ADAMTSL1: variants seen among roughly 807,000 people sequenced by gnomAD.
ADAMTSL1 encodes ADAMTS like 1.
ADAMTSL1 carries 126 observed loss-of-function variants against 201.8 expected under a neutral mutation model. The observed-to-expected ratio is 0.62, with a 90% confidence interval of 0.54 to 0.72. The LOEUF is 0.72. ADAMTSL1 is among the 30% of genes least tolerant of loss of function. The pLI, the probability that ADAMTSL1 is intolerant of heterozygous loss-of-function variation, is 0.00. For synonymous variants in ADAMTSL1, 1,121 were observed against 903.4 expected (o/e 1.24, Z -4.32); for missense variants, 2,679 against 2,277.8 (o/e 1.18, Z -3.59).
At chr9:18,630,559 T>C (rs556216314) in intron 5 of ADAMTSL1, among the ~76,000 whole-genome samples, 1 of 152,268 alleles carries the variant, frequency 6.6e-6, no homozygotes, top group South Asian at 2.1e-4. Flanking sequence ...GCTCTACAGG[T>C]CTTCATACTT....
chr9:18,693,049 A>G (rs554996436), intron 13 of ADAMTSL1, among the ~76,000 whole-genome samples: 2 of 152,198 alleles, frequency 1.3e-5, no homozygotes, highest in South Asian at 4.1e-4. Flanking sequence ...TTTTTTCCCA[A>G]AATTTTATGG....
At position 18,756,076 on chromosome 9, in the gene ADAMTSL1, A is replaced by AATATATATATATAT. The variant is rs55717414; in HGVS notation, c.2217+2602_2217+2615dup. On this transcript the variant is annotated intron_variant, in intron 16 of 28. Coordinates refer to ENST00000380548, the MANE Select transcript of ADAMTSL1 (RefSeq NM_001040272.6). ...ATGGTGAAACCCTGTCTCTACTGAA[A>AATATATATATATAT]ATATATATATATATATATATATATA... 3.2e-3 allele frequency among the ~76,000 whole-genome samples: 257 copies of AATATATATATATAT among 80,618 alleles called. 4 individuals are homozygous for AATATATATATATAT. Among genetic ancestry groups the AATATATATATATAT allele is most frequent in the Non-Finnish European group, 4.6e-3 (175 of 38,042 alleles). The allele number at this position is 80,618 out of a possible 152,430, so 52.9% of individuals were successfully genotyped here.
intron 3 of ADAMTSL1, among the ~76,000 whole-genome samples, chr9:18,570,670 G>A (rs894128421): frequency 2.0e-5 from 3 of 152,122 alleles, no homozygotes; most frequent in African/African-American, 7.2e-5. Context: ...CTTAAAACAG[G>A]AAGTTGCATT....
intron 2 of ADAMTSL1, among the ~76,000 whole-genome samples, chr9:18,457,563 G>C (rs1453461663): frequency 6.6e-6 from 1 of 152,088 alleles, no homozygotes; most frequent in Non-Finnish European, 1.5e-5. Flanking sequence ...TGAACTCCTG[G>C]CTTCAAATGA....
chr9:18,830,072 C>T (rs909006044), intron 23 of ADAMTSL1, 95 bp downstream of exon 23: 20 of 1,469,988 alleles, frequency 1.4e-5, no homozygotes, highest in African/African-American at 8.4e-5. Flanking sequence ...AGGCAGCAGT[C>T]GGGGGTGGCC....
chr9:18,228,233 G>C (rs891331849), intron 2 of ADAMTSL1, among the ~76,000 whole-genome samples: 1 of 152,168 alleles, frequency 6.6e-6, no homozygotes, highest in Non-Finnish European at 1.5e-5. Flanking sequence ...CTTAAGGCTT[G>C]ATGATAGTTC....
intron 2 of ADAMTSL1, among the ~76,000 whole-genome samples, chr9:18,431,156 C>A (rs1410103056): frequency 2.6e-5 from 4 of 152,190 alleles, no homozygotes; most frequent in Non-Finnish European, 4.4e-5. Context: ...ACAATATCCA[C>A]AAAGTAGATT....
intron 20 of ADAMTSL1, among the ~76,000 whole-genome samples, chr9:18,796,955 T>C (rs150001023): frequency 6.6e-6 from 1 of 152,344 alleles, no homozygotes; most frequent in Non-Finnish European, 1.5e-5. Flanking sequence ...CAGATATGGT[T>C]CAGCTCTATC....
chr9:18,095,395 T>C (rs896431663), intron 1 of ADAMTSL1, among the ~76,000 whole-genome samples: 1 of 151,228 alleles, frequency 6.6e-6, no homozygotes, highest in Non-Finnish European at 1.5e-5. Context: ...TAGTAATCCC[T>C]GATAAGTTTC....
intron 15 of ADAMTSL1, among the ~76,000 whole-genome samples, chr9:18,752,478 C>A (rs910907859): frequency 1.3e-5 from 2 of 152,186 alleles, no homozygotes; most frequent in East Asian, 3.9e-4. Context: ...TTAGAAGATG[C>A]TTCTGACGTA....
chr9:18,474,131 G>A, upstream of ADAMTSL1: 1 of 1,018,498 alleles, frequency 9.8e-7, no homozygotes, highest in Non-Finnish European at 1.5e-6. Flanking sequence ...AAGCTGATAG[G>A]CAGGACTGGA....
At chr9:18,016,256 C>A (rs757904541) in intron 1 of ADAMTSL1, among the ~76,000 whole-genome samples, 1 of 152,014 alleles carries the variant, frequency 6.6e-6, no homozygotes, top group African/African-American at 2.4e-5. Flanking sequence ...TACCAGAGTA[C>A]CCAGCTCCTA....
chr9:17,927,987 C>T (rs2131310363), intron 1 of ADAMTSL1, among the ~76,000 whole-genome samples: 1 of 145,872 alleles, frequency 6.9e-6, no homozygotes, highest in South Asian at 2.3e-4. Flanking sequence ...CTTTTCTTTT[C>T]TTTCTTTCTT....
At chr9:18,181,852 G>A (rs982679444) in intron 2 of ADAMTSL1, among the ~76,000 whole-genome samples, 196 of 152,192 alleles carry the variant, frequency 1.3e-3, no homozygotes, top group African/African-American at 4.6e-3. Flanking sequence ...GTTTATTGCG[G>A]CATTATTCAC....
chr9:18,615,530 T>C (rs1028737018), intron 4 of ADAMTSL1, among the ~76,000 whole-genome samples: 3 of 152,194 alleles, frequency 2.0e-5, no homozygotes, highest in Non-Finnish European at 4.4e-5. Context: ...ATAGTATGCC[T>C]TTTCATGGTT....
intron 2 of ADAMTSL1, among the ~76,000 whole-genome samples, chr9:18,276,294 G>T (rs564197256): frequency 1.2e-4 from 18 of 152,042 alleles, no homozygotes; most frequent in African/African-American, 3.9e-4. Flanking sequence ...CTAACGTGTT[G>T]CTTCCCATTC....
intron 18 of ADAMTSL1, 80 bp downstream of exon 18, chr9:18,775,976 T>C: frequency 6.6e-7 from 1 of 1,513,540 alleles, no homozygotes; most frequent in Non-Finnish European, 8.9e-7. Context: ...TGGCCTTCCC[T>C]AAACTCAAGA....
At chr9:18,539,616 C>T (rs1298515161) in intron 3 of ADAMTSL1, among the ~76,000 whole-genome samples, 1 of 152,128 alleles carries the variant, frequency 6.6e-6, no homozygotes, top group Non-Finnish European at 1.5e-5. Flanking sequence ...ATCTCATCTT[C>T]GTAAAGCTGG....
intron 2 of ADAMTSL1, among the ~76,000 whole-genome samples, chr9:18,390,617 T>C (rs1838004446): frequency 6.6e-6 from 1 of 152,232 alleles, no homozygotes. Context: ...TCAGCTGTGC[T>C]GGGTCTGGCC....
Sources: allele counts gnomAD v4.1 joint callset (sites outside exome capture counted in the v4.1 genomes callset), GRCh38; gene constraint gnomAD v4.1.1; transcripts MANE v1.5; gene names NCBI Gene and HGNC (gene_info 2026-07-23, HGNC 2026-07-21).